Variants in FAM151B observed in about 807,000 individuals in gnomAD.
The protein encoded by FAM151B is family with sequence similarity 151 member B, also known as protein FAM151B.
In FAM151B, 24 loss-of-function variants were observed where a neutral mutation model predicts 31.2. The ratio of observed to expected loss-of-function variants is 0.77; its 90% confidence interval spans 0.56 to 1.08. The LOEUF (loss-of-function observed/expected upper bound fraction) is 1.08. Among genes scored for constraint, FAM151B ranks in the 50% least tolerant of loss-of-function variants. The pLI is 0.00. For missense variants in FAM151B, 293 were observed against 328.6 expected (o/e 0.89, Z 0.84); for synonymous variants, 105 against 111.4 (o/e 0.94, Z 0.36).
At chr5:80,515,081 A>T (rs891213841) in intron 3 of FAM151B, among the ~76,000 whole-genome samples, 1 of 152,018 alleles carries the variant, frequency 6.6e-6, no homozygotes, top group South Asian at 2.1e-4. Context: ...CTCTACTAAA[A>T]ATACAGAAAA....
chr5:80,504,970 G>T (rs1359092957), intron 2 of FAM151B, among the ~76,000 whole-genome samples: 1 of 152,146 alleles, frequency 6.6e-6, no homozygotes, highest in East Asian at 1.9e-4. Flanking sequence ...TGGCCATAGG[G>T]TGAAAGAACA....
At chr5:80,518,255 T>C (rs1744554897) in intron 3 of FAM151B, among the ~76,000 whole-genome samples, 1 of 151,708 alleles carries the variant, frequency 6.6e-6, no homozygotes, top group Non-Finnish European at 1.5e-5. Context: ...GAAATCAGAG[T>C]CCTTTTTGGA....
intron 4 of FAM151B, among the ~76,000 whole-genome samples, chr5:80,521,703 A>C (rs1321816391): frequency 6.6e-6 from 1 of 152,164 alleles, no homozygotes; most frequent in African/African-American, 2.4e-5. Context: ...AAGTAAATAA[A>C]ATCTAGTGGT....
At chr5:80,530,334 G>A (rs932282444) in intron 5 of FAM151B, among the ~76,000 whole-genome samples, 2 of 152,072 alleles carry the variant, frequency 1.3e-5, no homozygotes, top group Non-Finnish European at 2.9e-5. Flanking sequence ...ACAAGACAGG[G>A]ATGCCCTCTC....
intron 5 of FAM151B, among the ~76,000 whole-genome samples, chr5:80,524,464 G>A (rs558791876): frequency 1.3e-5 from 2 of 151,850 alleles, no homozygotes; most frequent in South Asian, 4.2e-4. Flanking sequence ...TCATCTACTC[G>A]TTATTTTTTA....
At chr5:80,523,268 CA>C (rs1404880090) in intron 5 of FAM151B, among the ~76,000 whole-genome samples, 2 of 152,116 alleles carry the variant, frequency 1.3e-5, no homozygotes, top group Non-Finnish European at 2.9e-5. Context: ...AAAAGACCCC[CA>C]ATGTGTATGT....
chr5:80,534,572 AC>A (rs2112671006), intron 5 of FAM151B, among the ~76,000 whole-genome samples: 1 of 152,316 alleles, frequency 6.6e-6, no homozygotes, highest in South Asian at 2.1e-4. Flanking sequence ...CGTGATAAAA[AC>A]CCACAAAAAA....
At chr5:80,498,406 C>T (rs563795956) in intron 1 of FAM151B, 146 of 363,312 alleles carry the variant, frequency 4.0e-4, no homozygotes, top group Non-Finnish European at 5.7e-4. Context: ...TCTTTATATG[C>T]CCCTCCATTC....
rs75608846 is a variant in FAM151B, at chr5:80,508,920, G to A, written c.152-4684G>A. Among the ~76,000 whole-genome samples the A allele has an allele frequency of 1.2e-3, 177 of 152,146 alleles. 1 individual carries two copies. Among genetic ancestry groups the A allele is most frequent in the African/African-American group, 4.1e-3 (171 of 41,524 alleles). On this transcript the variant is annotated intron_variant, in intron 2 of 5. Coordinates refer to ENST00000282226, the MANE Select transcript of FAM151B (RefSeq NM_205548.3). ...CCCTTGGCTTGATATTGACACTGAG[G>A]CCATGTTTTACTGGTGCTATGGTTT...
chr5:80,505,040 A>G (rs1352015230), intron 2 of FAM151B, among the ~76,000 whole-genome samples: 2 of 152,206 alleles, frequency 1.3e-5, no homozygotes, highest in African/African-American at 4.8e-5. Context: ...AGGACTCAGC[A>G]CTATTCACAT....
chr5:80,505,095 A>G (rs535057286), intron 2 of FAM151B, among the ~76,000 whole-genome samples: 117 of 152,354 alleles, frequency 7.7e-4, no homozygotes, highest in African/African-American at 2.8e-3. Flanking sequence ...AGCTGTTTGG[A>G]TAGTACCTGG....
intron 5 of FAM151B, among the ~76,000 whole-genome samples, chr5:80,540,963 T>G (rs2112687766): frequency 6.6e-6 from 1 of 152,342 alleles, no homozygotes; most frequent in East Asian, 1.9e-4. Flanking sequence ...TTATGGGGAA[T>G]ATAAATATGA....
At chr5:80,521,345 C>T (rs1351802602) in intron 4 of FAM151B, among the ~76,000 whole-genome samples, 1 of 151,686 alleles carries the variant, frequency 6.6e-6, no homozygotes, top group Non-Finnish European at 1.5e-5. Context: ...AGGCTGGTTT[C>T]AAACTCCTGG....
chr5:80,536,894 G>T (rs528648949), intron 5 of FAM151B, among the ~76,000 whole-genome samples: 2 of 152,162 alleles, frequency 1.3e-5, no homozygotes, highest in South Asian at 4.1e-4. Context: ...TTTACCAGAG[G>T]CGGGGATAGG....
At chr5:80,518,031 C>T (rs928446260) in intron 3 of FAM151B, among the ~76,000 whole-genome samples, 9 of 148,856 alleles carry the variant, frequency 6.0e-5, no homozygotes, top group Admixed American at 5.4e-4. Context: ...GAGATCGCAC[C>T]GTTGCACTCC....
At chr5:80,506,342 T>A (rs754598531) in intron 2 of FAM151B, among the ~76,000 whole-genome samples, 1 of 152,108 alleles carries the variant, frequency 6.6e-6, no homozygotes, top group African/African-American at 2.4e-5. Flanking sequence ...AATCATGAGA[T>A]GAAATTAGCC....
intron 5 of FAM151B, among the ~76,000 whole-genome samples, chr5:80,538,152 C>A (rs919782997): frequency 6.6e-6 from 1 of 151,708 alleles, no homozygotes; most frequent in Non-Finnish European, 1.5e-5. Context: ...ACTGCAACCT[C>A]CACCTCCCGG....
At chr5:80,530,633 A>G (rs1309495783) in intron 5 of FAM151B, among the ~76,000 whole-genome samples, 4 of 152,234 alleles carry the variant, frequency 2.6e-5, no homozygotes. Flanking sequence ...ACTTCCATTC[A>G]CAATTGCTTC....
rs551772180 is a variant in FAM151B at position 80,500,115 on chromosome 5, G to A, written c.26-1677G>A. Reference sequence around the variant, plus strand: ...CATTTTCCACATCATGGATGAGCCCGGAGGACATTATGCTAAGTGAAATAA... The same window carrying A: ...CATTTTCCACATCATGGATGAGCCCAGAGGACATTATGCTAAGTGAAATAA... On this transcript the variant is annotated intron_variant, in intron 1 of 5. Transcript: ENST00000282226. The A allele has an allele frequency of 1.2e-4, 36 of 303,806 alleles. 1 individual carries two copies. Among genetic ancestry groups the A allele is most frequent in the African/African-American group, 1.1e-4 (5 of 45,154 alleles). The allele number at this position is 303,806 out of a possible 1,614,324, so 18.8% of individuals were successfully genotyped here.
Sources: gnomAD v4.1 joint callset for allele counts (sites outside exome capture counted in the v4.1 genomes callset) on GRCh38, gnomAD v4.1.1 for gene constraint, MANE v1.5 for transcripts, NCBI Gene and HGNC (gene_info 2026-07-23, HGNC 2026-07-21) for gene names.